The following EIF4EBP2 variants were observed in gnomAD, a reference collection of about 807,000 sequenced individuals.
The protein encoded by EIF4EBP2 is eukaryotic translation initiation factor 4E binding protein 2, also known as eukaryotic translation initiation factor 4E-binding protein 2.
A neutral mutation model predicts 10.3 loss-of-function variants in EIF4EBP2; 5 were observed. The observed-to-expected ratio is 0.48, with a 90% CI of 0.25 to 1.02. The LOEUF is 1.02. EIF4EBP2 is among the 50% of genes least tolerant of loss of function. The probability of loss-of-function intolerance (pLI) is 0.15; values close to 1 mark genes in which losing one functional copy is unlikely to be tolerated. For synonymous variants in EIF4EBP2, 67 were observed against 61.1 expected (o/e 1.10, Z -0.45); for missense variants, 188 against 162.2 (o/e 1.16, Z -0.86).
chr10:70,410,000 A>G (rs1845027168), intron 1 of EIF4EBP2, among the ~76,000 whole-genome samples: 1 of 152,232 alleles, frequency 6.6e-6, no homozygotes, highest in Admixed American at 6.5e-5. Context: ...AGAAGGGAAA[A>G]TAATCCACTG....
chr10:70,414,060 C>T (rs577155851), intron 1 of EIF4EBP2, among the ~76,000 whole-genome samples: 1 of 152,234 alleles, frequency 6.6e-6, no homozygotes, highest in East Asian at 1.9e-4. Context: ...TACATCTGTG[C>T]ATGCATATGT....
Position 70,426,898 on chromosome 10 carries a change from A to G in EIF4EBP2, c.*5151A>G, listed in dbSNP as rs1329849827. 1 of 152,304 alleles carries G rather than the reference A, an allele frequency of 6.6e-6. No individual in the cohort carries two copies. Among genetic ancestry groups the G allele is most frequent in the Non-Finnish European group, 1.5e-5 (1 of 68,044 alleles). The allele number at this position is 152,304 out of a possible 1,614,324, so 9.4% of individuals were successfully genotyped here. ...CTCATTAGAATGCAGCCTGCTGAGT[A>G]TGTGGGTTTCACTGCCGGAGTCCAT... On this transcript the variant is annotated 3_prime_UTR_variant, in exon 3 of 3. Transcript: ENST00000373218.
At position 70,423,258 on chromosome 10, in the gene EIF4EBP2, C is replaced by T. The variant is rs76070948; in HGVS notation, c.*1511C>T. The T allele has an allele frequency of 0.035, 5,391 of 152,734 alleles. 155 individuals are homozygous for T. The highest frequency in any genetic ancestry group is 0.052 in the Non-Finnish European group (3,527 of 68,050). The allele number at this position is 152,734 out of a possible 1,614,324, so 9.5% of individuals were successfully genotyped here. A position where few individuals can be genotyped will look rare whatever the true frequency, so the allele number is the denominator to read the frequency against. ...TCTATGTCACCATCTTTTGTCTCCC[C>T]TAGTCCCCCAGGAGCTCTTTCCTTT... On this transcript the variant is annotated 3_prime_UTR_variant, in exon 3 of 3. Coordinates refer to ENST00000373218, the MANE Select transcript of EIF4EBP2 (RefSeq NM_004096.5).
At chr10:70,414,454 G>T (rs1845072885) in intron 1 of EIF4EBP2, among the ~76,000 whole-genome samples, 1 of 152,122 alleles carries the variant, frequency 6.6e-6, no homozygotes, top group South Asian at 2.1e-4. Context: ...GTGTCTTGTT[G>T]TCTGAATTAT....
At position 70,407,738 on chromosome 10, in the gene EIF4EBP2, C is replaced by CCG. The variant is rs1554848005; in HGVS notation, c.145+3193_145+3194insGC. On this transcript the variant is annotated intron_variant, in intron 1 of 2. Transcript: ENST00000373218. ...TCCCGGGCGGGGGGCTGACCCCCCC[C>CCG]CCACCTCCCTCCCAGACGGGGCGGC... Among the ~76,000 whole-genome samples, 23 of 139,878 alleles carry CCG rather than the reference C, an allele frequency of 1.6e-4. 1 individual carries two copies. The highest frequency in any genetic ancestry group is 5.7e-4 in the African/African-American group (21 of 36,946). 91.8% of individuals were successfully genotyped at this position (139,878 alleles called of 152,430 possible).
chr10:70,424,286 A>G lies in EIF4EBP2; in HGVS notation c.*2539A>G, dbSNP rs1845186233. ...GTTTTTAGTATTTCTTGGGAGTGTC[A>G]GCTGTATAATGCAGCAGCTGTTCAA... is the stretch of plus-strand genomic sequence containing the variant. On this transcript the variant is annotated 3_prime_UTR_variant, in exon 3 of 3. Coordinates refer to ENST00000373218, the MANE Select transcript of EIF4EBP2 (RefSeq NM_004096.5). The G allele has an allele frequency of 6.6e-6, 1 of 152,166 alleles. No homozygotes were observed. The highest frequency in any genetic ancestry group is 1.5e-5 in the Non-Finnish European group (1 of 68,024). The allele number at this position is 152,166 out of a possible 1,614,324, so 9.4% of individuals were successfully genotyped here. A position where few individuals can be genotyped will look rare whatever the true frequency, so the allele number is the denominator to read the frequency against.
At chr10:70,421,325 G>A (rs748605629) in intron 2 of EIF4EBP2, among the ~76,000 whole-genome samples, 1 of 152,130 alleles carries the variant, frequency 6.6e-6, no homozygotes, top group South Asian at 2.1e-4. Context: ...CCAGCATTCC[G>A]CTTTGTCATA....
chr10:70,420,787 GT>G (rs1845148228), intron 2 of EIF4EBP2, among the ~76,000 whole-genome samples: 1 of 151,970 alleles, frequency 6.6e-6, no homozygotes, highest in Non-Finnish European at 1.5e-5. Flanking sequence ...AATAGACCTT[GT>G]TTCTTTTGTT....
At chr10:70,407,461 C>T (rs2137222830) in intron 1 of EIF4EBP2, among the ~76,000 whole-genome samples, 1 of 152,160 alleles carries the variant, frequency 6.6e-6, no homozygotes, top group African/African-American at 2.4e-5. Flanking sequence ...GATCCCAAGG[C>T]AGAAGAATTT....
Position 70,406,348 on chromosome 10 carries a change from A to G in EIF4EBP2, c.145+1802A>G, listed in dbSNP as rs114401607. On this transcript the variant is annotated intron_variant, in intron 1 of 2. Transcript: ENST00000373218. ...CATATAAGAGTTGTCTTGAACTTGA[A>G]CTGATAGCTTTTAAGAAATAGATGC... Among the ~76,000 whole-genome samples, 529 of 152,314 alleles carry G rather than the reference A, an allele frequency of 3.5e-3. 2 individuals are homozygous for G. Among genetic ancestry groups the G allele is most frequent in the African/African-American group, 0.012 (501 of 41,556 alleles).
In EIF4EBP2 at chr10:70,425,439, G is replaced by A. The variant is rs1191037627; in HGVS notation, c.*3692G>A. ...ATCTTAAAAGCACCACACCCCAACT[G>A]GGGATGAAAGTAGGTCAACAGGGAG... is the stretch of plus-strand genomic sequence containing the variant. On this transcript the variant is annotated 3_prime_UTR_variant, in exon 3 of 3. Coordinates refer to ENST00000373218, the MANE Select transcript of EIF4EBP2 (RefSeq NM_004096.5). 2 of 152,218 alleles carry A rather than the reference G, an allele frequency of 1.3e-5. No homozygotes were observed. Among genetic ancestry groups the A allele is most frequent in the African/African-American group, 4.8e-5 (2 of 41,446 alleles). The allele number at this position is 152,218 out of a possible 1,614,324, so 9.4% of individuals were successfully genotyped here.
At chr10:70,415,460 G>T (rs1845084313) in intron 1 of EIF4EBP2, among the ~76,000 whole-genome samples, 1 of 151,524 alleles carries the variant, frequency 6.6e-6, no homozygotes, top group Admixed American at 6.6e-5. Context: ...GGAACTTTAA[G>T]GGACCTAAAA....
At chr10:70,410,757 T>G (rs1845035854) in intron 1 of EIF4EBP2, among the ~76,000 whole-genome samples, 1 of 152,246 alleles carries the variant, frequency 6.6e-6, no homozygotes, top group Non-Finnish European at 1.5e-5. Flanking sequence ...TAGACTTCTT[T>G]TCTGAGTGCA....
At chr10:70,414,472 G>A (rs1250646374) in intron 1 of EIF4EBP2, among the ~76,000 whole-genome samples, 2 of 152,112 alleles carry the variant, frequency 1.3e-5, no homozygotes, top group African/African-American at 2.4e-5. Context: ...TATTTACTGT[G>A]TTGGCATTCA....
Position 70,422,470 on chromosome 10 carries a change from A to G in EIF4EBP2, c.*723A>G, listed in dbSNP as rs943264414. 7 of 152,106 alleles carry G rather than the reference A, an allele frequency of 4.6e-5. No homozygotes were observed. The highest frequency in any genetic ancestry group is 7.3e-5 in the Non-Finnish European group (5 of 68,032). 9.4% of individuals were successfully genotyped at this position (152,106 alleles called of 1,614,324 possible). A position where few individuals can be genotyped will look rare whatever the true frequency, so the allele number is the denominator to read the frequency against. ...TCTTTTACTTAGTGCATTTGTGCAG[A>G]TATTTTTAACTCTGTACATCAGAAG... On this transcript the variant is annotated 3_prime_UTR_variant, in exon 3 of 3. Coordinates refer to ENST00000373218, the MANE Select transcript of EIF4EBP2 (RefSeq NM_004096.5).
At chr10:70,418,318 CTGT>C (rs974744320) in intron 1 of EIF4EBP2, among the ~76,000 whole-genome samples, 2 of 152,178 alleles carry the variant, frequency 1.3e-5, no homozygotes, top group Non-Finnish European at 2.9e-5. Flanking sequence ...GAGACAATTT[CTGT>C]TGTTTAAGTT....
intron 2 of EIF4EBP2, 50 bp from the exon 3 acceptor site, chr10:70,421,666 A>C (rs1043293562): frequency 6.5e-7 from 1 of 1,548,380 alleles, no homozygotes; most frequent in Non-Finnish European, 8.9e-7. Context: ...TAAAACTGTT[A>C]TGCTTCTTTG....
chr10:70,418,061 C>T (rs968794085), intron 1 of EIF4EBP2, among the ~76,000 whole-genome samples: 4 of 152,234 alleles, frequency 2.6e-5, no homozygotes, highest in African/African-American at 9.6e-5. Flanking sequence ...AACCTTAATT[C>T]CCAACATGAT....
intron 1 of EIF4EBP2, among the ~76,000 whole-genome samples, chr10:70,412,912 T>C (rs1262457075): frequency 6.6e-6 from 1 of 152,192 alleles, no homozygotes; most frequent in Non-Finnish European, 1.5e-5. Flanking sequence ...AATATGTACA[T>C]TTTGAAACAA....
Sources: allele counts gnomAD v4.1 joint callset (sites outside exome capture counted in the v4.1 genomes callset), GRCh38; gene constraint gnomAD v4.1.1; transcripts MANE v1.5; gene names NCBI Gene and HGNC (gene_info 2026-07-23, HGNC 2026-07-21).